The following PFKFB3 variants were observed in gnomAD, a reference collection of about 807,000 sequenced individuals.
The protein encoded by PFKFB3 is 6-phosphofructo-2-kinase/fructose-2,6-biphosphatase 3.
A neutral mutation model predicts 68.0 loss-of-function variants in PFKFB3; 33 were observed. The ratio of observed to expected loss-of-function variants is 0.49; its 90% CI spans 0.37 to 0.65. The LOEUF is 0.65. Ranked by LOEUF, PFKFB3 falls within the 30% of genes least tolerant of loss-of-function variation. PFKFB3 has a pLI of 0.00. For missense variants in PFKFB3, 586 were observed against 712.2 expected, an observed-to-expected ratio of 0.82 and a Z score of 2.02; for synonymous variants, 315 against 288.2, an observed-to-expected ratio of 1.09 and a Z score of -0.94.
At chr10:6,152,525 C>T (rs531015975) in intron 1 of PFKFB3, among the ~76,000 whole-genome samples, 1 of 152,094 alleles carries the variant, frequency 6.6e-6, no homozygotes, top group African/African-American at 2.4e-5. Flanking sequence ...AGGAACATTC[C>T]GAACCCATGA....
At chr10:6,148,280 G>A (rs547047686) in intron 1 of PFKFB3, among the ~76,000 whole-genome samples, 1 of 152,370 alleles carries the variant, frequency 6.6e-6, no homozygotes, top group East Asian at 1.9e-4. Context: ...CTGTCACACA[G>A]GCTGTGGTTA....
intron 1 of PFKFB3, among the ~76,000 whole-genome samples, chr10:6,183,225 G>A (rs553966225): frequency 3.3e-5 from 5 of 152,314 alleles, no homozygotes; most frequent in Admixed American, 1.3e-4. Context: ...AACAGCTGCG[G>A]AATGGCTTGT....
At chr10:6,186,030 G>A (rs1435646087) in intron 1 of PFKFB3, among the ~76,000 whole-genome samples, 2 of 152,104 alleles carry the variant, frequency 1.3e-5, no homozygotes, top group African/African-American at 2.4e-5. Flanking sequence ...TGGCCCAGTA[G>A]AACTACTGGT....
chr10:6,157,352 G>C (rs1043232884), intron 1 of PFKFB3, among the ~76,000 whole-genome samples: 4 of 151,510 alleles, frequency 2.6e-5, no homozygotes, highest in Admixed American at 1.3e-4. Flanking sequence ...TCAGCCTCCC[G>C]AGTAGCTGGG....
chr10:6,231,905 G>A (rs1244679594), intron 14 of PFKFB3, among the ~76,000 whole-genome samples: 1 of 152,050 alleles, frequency 6.6e-6, no homozygotes, highest in Non-Finnish European at 1.5e-5. Context: ...TCACCTCCCG[G>A]TGGGCACCCA....
chr10:6,178,068 C>T (rs562013720), intron 1 of PFKFB3, among the ~76,000 whole-genome samples: 5 of 152,250 alleles, frequency 3.3e-5, no homozygotes, highest in East Asian at 1.9e-4. Flanking sequence ...GGAGCCAAGG[C>T]GTCCAAGGAG....
rs202185617 is a variant in PFKFB3 at position 6,222,814 on chromosome 10, G to A, written c.1084-41G>A. The A allele has an allele frequency of 3.2e-5, 50 of 1,578,824 alleles. No individual in the cohort carries two copies. The East Asian group carries it at 6.6e-4, about 21-fold the overall frequency. On this transcript the variant is annotated intron_variant, in intron 10 of 14. Transcript: ENST00000379775. Reference sequence around the variant, plus strand: ...TGTGGCCAGCGGCAGAGCCCCTCCCGAGTGCCCTGAGCTCACGTGGGCCCG... The same window carrying A: ...TGTGGCCAGCGGCAGAGCCCCTCCCAAGTGCCCTGAGCTCACGTGGGCCCG...
intron 1 of PFKFB3, chr10:6,146,321 G>C: frequency 6.6e-7 from 1 of 1,526,282 alleles, no homozygotes; most frequent in Non-Finnish European, 8.8e-7. Flanking sequence ...GTATCAGCGT[G>C]GGCTCCTGGC....
intron 1 of PFKFB3, among the ~76,000 whole-genome samples, chr10:6,211,377 T>C (rs926441301): frequency 1.2e-4 from 19 of 152,166 alleles, no homozygotes; most frequent in Admixed American, 9.8e-4. Context: ...AGAGTATGTG[T>C]GTGCGTCTGT....
At chr10:6,159,998 A>G (rs1408696882) in intron 1 of PFKFB3, among the ~76,000 whole-genome samples, 1 of 151,706 alleles carries the variant, frequency 6.6e-6, no homozygotes, top group Admixed American at 6.6e-5. Context: ...GACTCAAGCA[A>G]TCCTCCCGCC....
At chr10:6,211,675 G>T (rs1844239187) in intron 1 of PFKFB3, among the ~76,000 whole-genome samples, 1 of 152,194 alleles carries the variant, frequency 6.6e-6, no homozygotes, top group Non-Finnish European at 1.5e-5. Flanking sequence ...CATGTGCTCA[G>T]GATGCCCGGC....
At chr10:6,287,953 C>T in the PFKFB3 span, among the ~76,000 whole-genome samples, 1 of 152,122 alleles carries the variant, frequency 6.6e-6, no homozygotes, top group Non-Finnish European at 1.5e-5. Flanking sequence ...TCTTGCAAGG[C>T]AGTTCTATTG....
intron 14 of PFKFB3, among the ~76,000 whole-genome samples, chr10:6,250,586 A>G (rs1356950585): frequency 6.7e-6 from 1 of 149,684 alleles, no homozygotes; most frequent in Admixed American, 6.7e-5. Flanking sequence ...AAAAAAAAAA[A>G]GAGGTGGGGT....
At chr10:6,246,336 A>G (rs141675891) in intron 14 of PFKFB3, among the ~76,000 whole-genome samples, 66 of 149,296 alleles carry the variant, frequency 4.4e-4, no homozygotes, top group African/African-American at 1.6e-3. Flanking sequence ...ATTTATTATT[A>G]TTATTATTAT....
At chr10:6,263,743 T>A in the PFKFB3 span, among the ~76,000 whole-genome samples, 2 of 152,166 alleles carry the variant, frequency 1.3e-5, no homozygotes, top group Non-Finnish European at 2.9e-5. Context: ...TGGAGGGCAA[T>A]GGTGCAATCT....
At chr10:6,174,663 C>T (rs1220845866) in intron 1 of PFKFB3, among the ~76,000 whole-genome samples, 1 of 152,192 alleles carries the variant, frequency 6.6e-6, no homozygotes, top group African/African-American at 2.4e-5. Context: ...GACCAGTGTG[C>T]GGGCACAAAG....
At chr10:6,268,740 G>T in the PFKFB3 span, among the ~76,000 whole-genome samples, 1 of 151,290 alleles carries the variant, frequency 6.6e-6, no homozygotes, top group Admixed American at 6.6e-5. Flanking sequence ...AGGTTAAAGA[G>T]GCTGGGTGAT....
the PFKFB3 span, among the ~76,000 whole-genome samples, chr10:6,271,321 T>A: frequency 4.1e-4 from 62 of 152,298 alleles, no homozygotes; most frequent in East Asian, 9.4e-3. Flanking sequence ...TCCTGGTGCG[T>A]GTGTGATGCC....
rs552806917 is a variant in PFKFB3, at chr10:6,208,978, T to C, written c.77-4645T>C. 2.0e-5 allele frequency among the ~76,000 whole-genome samples: 3 copies of C among 152,314 alleles called. No individual in the cohort carries two copies. In the South Asian group the frequency reaches 6.2e-4, roughly 32 times the overall value. On this transcript the variant is annotated intron_variant, in intron 1 of 14. Coordinates refer to ENST00000379775, the MANE Select transcript of PFKFB3 (RefSeq NM_004566.4). ...GTACACTAATGGTACTGCGGGCTTG[T>C]AGACAGCCAGGGCTTAGCCCAAAGG...
Sources: allele counts gnomAD v4.1 joint callset (sites outside exome capture counted in the v4.1 genomes callset), GRCh38; gene constraint gnomAD v4.1.1; transcripts MANE v1.5; gene names NCBI Gene and HGNC (gene_info 2026-07-23, HGNC 2026-07-21).